Variants in CKAP2 observed in about 807,000 individuals in gnomAD.
CKAP2 encodes the protein cytoskeleton associated protein 2, also known as cytoskeleton-associated protein 2.
Under a neutral mutation model 58.4 loss-of-function variants are expected in CKAP2, and 46 were observed. The ratio of observed to expected loss-of-function variants is 0.79; its 90% confidence interval spans 0.62 to 1.01. The LOEUF is 1.01. CKAP2 is among the 50% of genes least tolerant of loss of function. CKAP2 has a pLI of 0.00. For synonymous variants in CKAP2, 293 were observed against 280.9 expected (o/e 1.04, Z -0.43); for missense variants, 809 against 796.4 (o/e 1.02, Z -0.19).
At chr13:52,456,386 G>T in intron 1 of CKAP2, 137 bp from the exon 2 acceptor site, 2 of 762,490 alleles carry the variant, frequency 2.6e-6, no homozygotes, top group South Asian at 2.0e-5. Context: ...TTGAATTGGA[G>T]AATTTTCTGT....
intron 7 of CKAP2, among the ~76,000 whole-genome samples, chr13:52,468,592 T>C (rs1288332927): frequency 6.6e-6 from 1 of 152,190 alleles, no homozygotes; most frequent in Non-Finnish European, 1.5e-5. Context: ...TGTTGTTCTT[T>C]AGCTGTCCAT....
chr13:52,464,014 A>G (rs1267949965), intron 5 of CKAP2, among the ~76,000 whole-genome samples: 1 of 152,218 alleles, frequency 6.6e-6, no homozygotes, highest in Non-Finnish European at 1.5e-5. Context: ...CTCAACCTGT[A>G]TCAAAGGGAT....
chr13:52,476,411 G>T lies in CKAP2; in HGVS notation c.*1270G>T, dbSNP rs1339403711. The T allele has an allele frequency of 2.6e-5, 4 of 152,154 alleles. No individual in the cohort carries two copies. The highest frequency in any genetic ancestry group is 5.9e-5 in the Non-Finnish European group (4 of 68,024). The allele number at this position is 152,154 out of a possible 1,614,324, so 9.4% of individuals were successfully genotyped here. ...GAAATGCAGTTTAACCACAGTGAAT[G>T]AATTTTAGCTTTGCTTTTGAAATAC... On this transcript the variant is annotated 3_prime_UTR_variant, in exon 9 of 9. Coordinates refer to ENST00000258607, the MANE Select transcript of CKAP2 (RefSeq NM_018204.5).
rs753852794 is a variant in CKAP2 at position 52,474,073 on chromosome 13, A to G, written c.1791A>G (p.Pro597=). 1.9e-6 allele frequency: 3 copies of G among 1,609,160 alleles called. No homozygotes were observed. In the South Asian group the frequency reaches 3.3e-5, roughly 18 times the overall value. ...CLIKYNVSTT[P]YLQSVKKKVQ... ...TTAAATATAATGTGTCTACTACGCC[A>G]TACTTGCAAAGGTAAACTTTTAAAA... The change falls in exon 8 of 9, where the codon CCA becomes CCG. Residue 597 remains proline (P), a synonymous_variant. Coordinates refer to ENST00000258607, the MANE Select transcript of CKAP2 (RefSeq NM_018204.5).
At chr13:52,467,905 G>A (rs192511134) in intron 6 of CKAP2, among the ~76,000 whole-genome samples, 2,599 of 151,878 alleles carry the variant, frequency 0.017, 74 homozygotes, top group Admixed American at 0.08. Context: ...CGCTTCCTGG[G>A]TTCACGCCAT....
At position 52,465,350 on chromosome 13, in the gene CKAP2, C is replaced by T. The variant is rs147937279; in HGVS notation, c.1361C>T (p.Pro454Leu). The T allele has an allele frequency of 6.2e-7, 1 of 1,613,394 alleles. No homozygotes were observed. Among genetic ancestry groups the T allele is most frequent in the Non-Finnish European group, 8.5e-7 (1 of 1,179,596 alleles). The change falls in exon 6 of 9, where the codon CCA becomes CTA. Residue 454 changes from proline (P) to leucine (L), a missense_variant. Transcript: ENST00000258607. The part of the protein sequence containing the change: ...VTLNDLIKNI[P>L]DAKKLVKYWI... ...CTGAATGACCTGATTAAAAATATTC[C>T]AGATGCCAAAAAGCTTGTTAAGTAT...
intron 6 of CKAP2, 35 bp from the exon 7 acceptor site, chr13:52,468,239 AACTT>A: frequency 1.6e-6 from 2 of 1,287,980 alleles, no homozygotes; most frequent in East Asian, 2.3e-5. Flanking sequence ...GAGAAAATAA[AACTT>A]ACATGGATCT....
At chr13:52,467,471 C>G (rs917816612) in intron 6 of CKAP2, among the ~76,000 whole-genome samples, 5 of 152,096 alleles carry the variant, frequency 3.3e-5, no homozygotes, top group African/African-American at 1.2e-4. Context: ...AATCCCAGCA[C>G]TTTGGGAGGC....
At position 52,455,505 on chromosome 13, in the gene CKAP2, A is replaced by G. The variant is rs1958460243; in HGVS notation, c.-52A>G. ...AGACTGCGGCGGCGGTGGTCTGAGG[A>G]AGTTCTATCTTGGCGCTAAAGCGGA... is the stretch of plus-strand genomic sequence containing the variant. On this transcript the variant is annotated 5_prime_UTR_variant, in exon 1 of 9. Transcript: ENST00000258607. The G allele has an allele frequency of 6.2e-7, 1 of 1,606,622 alleles. No homozygotes were observed. Among genetic ancestry groups the G allele is most frequent in the Admixed American group, 1.7e-5 (1 of 60,010 alleles).
At chr13:52,465,270 C>T (rs774538451) in intron 5 of CKAP2, 25 bp from the exon 6 acceptor site, 21 of 1,583,232 alleles carry the variant, frequency 1.3e-5, no homozygotes, top group African/African-American at 2.7e-5. Context: ...AAAAATATTA[C>T]ACACATTTTT....
rs370906992 is a variant in CKAP2, at chr13:52,461,364, G to C, written c.538G>C (p.Gly180Arg). The C allele has an allele frequency of 1.1e-5, 17 of 1,614,154 alleles. No homozygotes were observed. Among genetic ancestry groups the C allele is most frequent in the Non-Finnish European group, 1.4e-5 (17 of 1,180,014 alleles). The change falls in exon 4 of 9, where the codon GGC becomes CGC. Residue 180 changes from glycine (G) to arginine (R), a missense_variant. Gly to Arg is a moderately radical substitution (Grantham distance 125, BLOSUM62 -2). Transcript: ENST00000258607. ...GAAACCTGTGCTTGGATCTTATCGT[G>C]GCCAGATTGTTCAGTCTAAGATTAA... Reference protein sequence around the residue: ...PKKPVLGSYRGQIVQSKINSF... With the variant: ...PKKPVLGSYRRQIVQSKINSF...
rs1958599476 is a variant in CKAP2, at chr13:52,462,360, T to C, written c.1101-3T>C. ...TAACGTTTATATCTGCTTCTAACTA[T>C]AGAGCTCGTCTGAGTGAGTGGAAAG... On this transcript the variant is annotated splice_region_variant and splice_polypyrimidine_tract_variant and intron_variant, in intron 4 of 8. Coordinates refer to ENST00000258607, the MANE Select transcript of CKAP2 (RefSeq NM_018204.5). 6.2e-7 allele frequency: 1 copy of C among 1,612,700 alleles called. No homozygotes were observed. The highest frequency in any genetic ancestry group is 1.3e-5 in the African/African-American group (1 of 74,804).
chr13:52,469,566 A>C (rs1381229440), intron 7 of CKAP2, among the ~76,000 whole-genome samples: 1 of 151,892 alleles, frequency 6.6e-6, no homozygotes, highest in African/African-American at 2.4e-5. Flanking sequence ...GGGACCATTG[A>C]ATGAAATAAT....
intron 5 of CKAP2, among the ~76,000 whole-genome samples, chr13:52,464,360 C>T (rs1958630237): frequency 6.6e-6 from 1 of 152,092 alleles, no homozygotes; most frequent in African/African-American, 2.4e-5. Context: ...TGAGACCAGC[C>T]TGGCCAACAT....
rs35975899 is a variant in CKAP2, at chr13:52,461,530, T to A, written c.704T>A (p.Met235Lys). Reference protein sequence around the residue: ...VTVKSNRSSNMTATTKFVSTT... With the variant: ...VTVKSNRSSNKTATTKFVSTT... ...GTGAAAAGTAATAGATCCTCCAATA[T>A]GACTGCCACTACTAAATTTGTGAGC... The change falls in exon 4 of 9, where the codon ATG (methionine) becomes AAG (lysine). Residue 235 changes from methionine to lysine, a missense_variant. Coordinates refer to ENST00000258607, the MANE Select transcript of CKAP2 (RefSeq NM_018204.5). The A allele has an allele frequency of 0.046, 74,496 of 1,614,096 alleles. 1,937 individuals are homozygous for A. The highest frequency in any genetic ancestry group is 0.066 in the Middle Eastern group (402 of 6,062).
intron 7 of CKAP2, among the ~76,000 whole-genome samples, chr13:52,471,726 T>C (rs576967062): frequency 6.6e-6 from 1 of 152,284 alleles, no homozygotes; most frequent in Admixed American, 6.5e-5. Flanking sequence ...CAACCTTTTT[T>C]CCCCAGCTAA....
At chr13:52,466,572 C>T (rs113416798) in intron 6 of CKAP2, among the ~76,000 whole-genome samples, 2,646 of 152,278 alleles carry the variant, frequency 0.017, 73 homozygotes, top group Admixed American at 0.08. Context: ...CAGCTAAGGA[C>T]ATTGTAGCAA....
At chr13:52,461,982 G>A (rs1958592773) in intron 4 of CKAP2, 56 bp downstream of exon 4, 1 of 1,423,666 alleles carries the variant, frequency 7.0e-7, no homozygotes, top group South Asian at 1.5e-5. Flanking sequence ...ACTGTTTGTA[G>A]ATTTGGATTA....
chr13:52,470,071 T>C (rs1210172301), intron 7 of CKAP2, among the ~76,000 whole-genome samples: 1 of 152,124 alleles, frequency 6.6e-6, no homozygotes, highest in Non-Finnish European at 1.5e-5. Context: ...TTATTTTCTT[T>C]TGATTAATTT....
Sources: gnomAD v4.1 joint callset for allele counts (sites outside exome capture counted in the v4.1 genomes callset) on GRCh38, gnomAD v4.1.1 for gene constraint, MANE v1.5 for transcripts, NCBI Gene and HGNC (gene_info 2026-07-23, HGNC 2026-07-21) for gene names.